HS3ST5: variants seen among roughly 807,000 people sequenced by gnomAD.
HS3ST5 encodes the protein heparan sulfate glucosamine 3-O-sulfotransferase 5.
HS3ST5 carries 10 observed loss-of-function variants against 25.4 expected under a neutral mutation model. The observed-to-expected ratio is 0.39, with a 90% CI of 0.24 to 0.67. HS3ST5 has a LOEUF of 0.67. HS3ST5 is among the 30% of genes least tolerant of loss of function. The pLI, the probability that HS3ST5 is intolerant of heterozygous loss-of-function variation, is 0.44. For missense variants in HS3ST5, 324 were observed against 420.7 expected, an observed-to-expected ratio of 0.77 and a Z score of 2.01; for synonymous variants, 170 against 162.4, an observed-to-expected ratio of 1.05 and a Z score of -0.36.
At chr6:114,087,855 T>C (rs1292487756) in intron 3 of HS3ST5, among the ~76,000 whole-genome samples, 1 of 152,116 alleles carries the variant, frequency 6.6e-6, no homozygotes, top group Non-Finnish European at 1.5e-5. Context: ...AAAAGCCTCA[T>C]TCAGCTGCCT....
chr6:114,157,759 A>G (rs536200975), intron 3 of HS3ST5, among the ~76,000 whole-genome samples: 4 of 152,314 alleles, frequency 2.6e-5, no homozygotes, highest in African/African-American at 9.6e-5. Context: ...AGTGGCTTCT[A>G]ATTACCCTCA....
chr6:114,163,858 T>C (rs1349313733), intron 3 of HS3ST5, among the ~76,000 whole-genome samples: 4 of 152,072 alleles, frequency 2.6e-5, no homozygotes, highest in Admixed American at 2.0e-4. Flanking sequence ...GGCAGAGGGG[T>C]CTAAAAGATC....
At position 114,328,034 on chromosome 6, in the gene HS3ST5, G is replaced by A. The variant is rs112038904; in HGVS notation, c.-339+14161C>T. Among the ~76,000 whole-genome samples, 1,347 of 152,204 alleles carry A rather than the reference G, an allele frequency of 8.8e-3. 24 individuals carry two copies. Among genetic ancestry groups the A allele is most frequent in the African/African-American group, 0.031 (1,289 of 41,540 alleles). On this transcript the variant is annotated intron_variant, in intron 1 of 4. Coordinates refer to ENST00000312719, the MANE Select transcript of HS3ST5 (RefSeq NM_153612.4). ...ATAGGGCAGTGGAAATGAAATAATA[G>A]AGGTAGGAGCAGATAAGTCAAGCCT...
intron 1 of HS3ST5, chr6:114,281,773 A>G (rs1774124092): frequency 6.6e-6 from 1 of 152,032 alleles, no homozygotes; most frequent in Admixed American, 6.6e-5. Flanking sequence ...CCAGGAACAC[A>G]CTGCATTGTT....
At chr6:114,158,309 C>T (rs563883650) in intron 3 of HS3ST5, among the ~76,000 whole-genome samples, 1 of 152,312 alleles carries the variant, frequency 6.6e-6, no homozygotes, top group South Asian at 2.1e-4. Flanking sequence ...GATTATATAA[C>T]ATGTCTGTCT....
At chr6:114,330,691 A>G (rs1776358210) in intron 1 of HS3ST5, among the ~76,000 whole-genome samples, 1 of 151,834 alleles carries the variant, frequency 6.6e-6, no homozygotes, top group Non-Finnish European at 1.5e-5. Flanking sequence ...CCTTTTTTCT[A>G]CCTTGGAGAG....
Position 114,058,116 on chromosome 6 carries a change from A to G in HS3ST5, c.182T>C (p.Leu61Pro), listed in dbSNP as rs139315971. 4.8e-5 allele frequency: 77 copies of G among 1,613,876 alleles called. No individual in the cohort carries two copies. In the African/African-American group the frequency reaches 9.2e-4, roughly 19 times the overall value. ...RTQAEFPLRA[L>P]QFKRGLLHEF... is the part of the protein sequence containing the mutation. ...GTGCAGCAGGCCACGCTTAAACTGC[A>G]GGGCGCGAAGTGGGAATTCAGCCTG... The change falls in exon 5 of 5, where the codon CTG becomes CCG. Residue 61 changes from leucine to proline, a missense_variant. Physicochemically the swap from Leu to Pro is moderately conservative, Grantham distance 98. Around this residue, in one of 2 missense-constraint regions of HS3ST5, gnomAD observed 121 missense variants for 117.3 expected, o/e 1.03. Coordinates refer to ENST00000312719, the MANE Select transcript of HS3ST5 (RefSeq NM_153612.4).
intron 1 of HS3ST5, among the ~76,000 whole-genome samples, chr6:114,270,329 T>G (rs893090235): frequency 1.3e-5 from 2 of 152,206 alleles, no homozygotes; most frequent in Admixed American, 6.5e-5. Context: ...ATGATTTCAT[T>G]GATTTCCATT....
intron 3 of HS3ST5, among the ~76,000 whole-genome samples, chr6:114,082,982 G>T (rs1774545701): frequency 1.3e-5 from 2 of 152,202 alleles, no homozygotes; most frequent in African/African-American, 4.8e-5. Context: ...ACTCACCATT[G>T]CTCCATCTGT....
intron 1 of HS3ST5, among the ~76,000 whole-genome samples, chr6:114,292,296 T>C (rs1774613921): frequency 6.6e-6 from 1 of 152,208 alleles, no homozygotes; most frequent in Non-Finnish European, 1.5e-5. Flanking sequence ...CTGTGGCGTC[T>C]GGTGTGGGCC....
At chr6:114,190,374 TG>T (rs1237271835) in intron 2 of HS3ST5, among the ~76,000 whole-genome samples, 1 of 152,216 alleles carries the variant, frequency 6.6e-6, no homozygotes, top group African/African-American at 2.4e-5. Flanking sequence ...TTCAACATTC[TG>T]GGGTTTCCAA....
At chr6:114,229,492 G>A (rs1771472817) in intron 1 of HS3ST5, among the ~76,000 whole-genome samples, 1 of 152,168 alleles carries the variant, frequency 6.6e-6, no homozygotes. Flanking sequence ...CAAACCCAGA[G>A]TACACTGCAT....
At chr6:114,223,558 C>T (rs1054885512) in intron 2 of HS3ST5, among the ~76,000 whole-genome samples, 8 of 151,920 alleles carry the variant, frequency 5.3e-5, no homozygotes, top group African/African-American at 1.7e-4. Context: ...AACCTCTTGA[C>T]TGCAGAAACT....
intron 1 of HS3ST5, among the ~76,000 whole-genome samples, chr6:114,241,873 C>A (rs1772143997): frequency 6.6e-6 from 1 of 152,126 alleles, no homozygotes; most frequent in Non-Finnish European, 1.5e-5. Context: ...AAGATGTGAA[C>A]TTCTCAGAAA....
intron 3 of HS3ST5, chr6:114,084,494 T>C (rs1774663887): frequency 1.3e-6 from 1 of 758,148 alleles, no homozygotes; most frequent in Non-Finnish European, 2.4e-6. Context: ...CGGGAAATGG[T>C]GCCACGCATG....
chr6:114,237,329 CTT>C (rs35288943), intron 1 of HS3ST5, among the ~76,000 whole-genome samples: 13 of 145,290 alleles, frequency 8.9e-5, no homozygotes, highest in Admixed American at 1.4e-4. Context: ...GATACGAGTA[CTT>C]TTTTTTTTTT....
chr6:114,204,861 C>T (rs1021207309), intron 2 of HS3ST5, among the ~76,000 whole-genome samples: 4 of 151,970 alleles, frequency 2.6e-5, no homozygotes, highest in Admixed American at 6.6e-5. Context: ...ACAGCTATCC[C>T]GAGAATACTA....
chr6:114,083,405 G>A (rs745797245), intron 3 of HS3ST5, among the ~76,000 whole-genome samples: 1 of 152,070 alleles, frequency 6.6e-6, no homozygotes, highest in Non-Finnish European at 1.5e-5. Context: ...CAAGAGGGAG[G>A]TAAGAAGACA....
intron 3 of HS3ST5, among the ~76,000 whole-genome samples, chr6:114,130,319 TGAGA>T (rs1421720917): frequency 1.3e-5 from 2 of 152,214 alleles, no homozygotes; most frequent in African/African-American, 4.8e-5. Context: ...TTTTACACAA[TGAGA>T]GAGAAAAGTA....
Sources: allele counts gnomAD v4.1 joint callset (sites outside exome capture counted in the v4.1 genomes callset), GRCh38; gene constraint gnomAD v4.1.1; regional missense constraint gnomAD v4.1.1; transcripts MANE v1.5; gene names NCBI Gene and HGNC (gene_info 2026-07-23, HGNC 2026-07-21).